Variants in SLC35D4 observed in about 807,000 individuals in gnomAD.
The protein encoded by SLC35D4 is solute carrier family 35 member D4, also known as UDP-N-acetylglucosamine transporter SLC35D4.
At chr18:23,322,374 T>A in the SLC35D4 span, among the ~76,000 whole-genome samples, 1 of 152,222 alleles carries the variant, frequency 6.6e-6, no homozygotes, top group Non-Finnish European at 1.5e-5. Context: ...TTGGTTTATA[T>A]CCCGAGAAAG....
chr18:23,285,653 C>T, the SLC35D4 span, among the ~76,000 whole-genome samples: 73 of 152,240 alleles, frequency 4.8e-4, no homozygotes, highest in African/African-American at 1.6e-3. Context: ...CAACCCCAAA[C>T]GTCGCTGAGT....
At chr18:23,408,698 T>C in the SLC35D4 span, among the ~76,000 whole-genome samples, 413 of 152,302 alleles carry the variant, frequency 2.7e-3, 9 homozygotes, top group East Asian at 0.062. Flanking sequence ...AACCTAGAAC[T>C]GTGACAACAA....
the SLC35D4 span, among the ~76,000 whole-genome samples, chr18:23,242,435 C>T: frequency 1.3e-5 from 2 of 152,148 alleles, no homozygotes; most frequent in African/African-American, 2.4e-5. Flanking sequence ...CAGGGGAGGG[C>T]GGATGCTTCC....
the SLC35D4 span, among the ~76,000 whole-genome samples, chr18:23,316,700 T>C: frequency 6.6e-6 from 1 of 152,210 alleles, no homozygotes; most frequent in Non-Finnish European, 1.5e-5. Flanking sequence ...AGGATAAATT[T>C]TAAACCTAGA....
the SLC35D4 span, among the ~76,000 whole-genome samples, chr18:23,306,352 G>A: frequency 3.9e-5 from 6 of 152,070 alleles, no homozygotes; most frequent in East Asian, 1.2e-3. Context: ...TGTTTCCCAG[G>A]CTGGAGTGCA....
chr18:23,272,010 A>G, the SLC35D4 span, among the ~76,000 whole-genome samples: 95 of 152,208 alleles, frequency 6.2e-4, no homozygotes, highest in Non-Finnish European at 1.1e-3. Flanking sequence ...ATGGGCAAAC[A>G]TAATTAAAGT....
chr18:23,428,034 G>A, the SLC35D4 span, among the ~76,000 whole-genome samples: 1 of 152,138 alleles, frequency 6.6e-6, no homozygotes, highest in Non-Finnish European at 1.5e-5. Context: ...TGGGGGGAGA[G>A]GGGAGGGATA....
At chr18:23,370,186 A>G in the SLC35D4 span, 1 of 1,574,814 alleles carries the variant, frequency 6.3e-7, no homozygotes, top group Non-Finnish European at 8.6e-7. Context: ...GCTAAACTCC[A>G]TCTCAAGGAA....
the SLC35D4 span, chr18:23,257,105 C>T: frequency 1.8e-6 from 2 of 1,109,886 alleles, no homozygotes; most frequent in Non-Finnish European, 2.6e-6. Context: ...CTCCACAGAG[C>T]TTTGCCCAAA....
the SLC35D4 span, among the ~76,000 whole-genome samples, chr18:23,328,626 T>A: frequency 1.3e-5 from 2 of 152,188 alleles, no homozygotes; most frequent in African/African-American, 4.8e-5. Context: ...ATGGCCATAC[T>A]GCCCAAGGTA....
the SLC35D4 span, among the ~76,000 whole-genome samples, chr18:23,410,565 G>A: frequency 1.3e-5 from 2 of 152,082 alleles, no homozygotes; most frequent in African/African-American, 4.8e-5. Flanking sequence ...AGCACTTTGG[G>A]AGGCTGAGAC....
the SLC35D4 span, among the ~76,000 whole-genome samples, chr18:23,355,643 C>T: frequency 1.3e-5 from 2 of 149,780 alleles, no homozygotes; most frequent in Admixed American, 1.3e-4. Context: ...GACATACCCA[C>T]TAGCCACATA....
At chr18:23,404,245 G>T in the SLC35D4 span, among the ~76,000 whole-genome samples, 2 of 152,192 alleles carry the variant, frequency 1.3e-5, no homozygotes. Context: ...CATTGCTATG[G>T]TCTGAATCTG....
At chr18:23,421,471 T>C in the SLC35D4 span, 16 of 1,609,280 alleles carry the variant, frequency 9.9e-6, no homozygotes, top group Non-Finnish European at 1.4e-5. Context: ...GCAATGTGAA[T>C]TTCATAGAGT....
chr18:23,319,730 C>T, the SLC35D4 span, among the ~76,000 whole-genome samples: 16 of 152,210 alleles, frequency 1.1e-4, no homozygotes, highest in African/African-American at 2.7e-4. Flanking sequence ...TGAGCCACCG[C>T]GCCCTGCCTA....
At chr18:23,253,257 C>T in the SLC35D4 span, among the ~76,000 whole-genome samples, 51 of 152,214 alleles carry the variant, frequency 3.4e-4, no homozygotes, top group Admixed American at 7.9e-4. Context: ...CCGAAGTGGG[C>T]GGATCACCTG....
the SLC35D4 span, among the ~76,000 whole-genome samples, chr18:23,420,280 G>A: frequency 6.6e-6 from 1 of 152,076 alleles, no homozygotes; most frequent in African/African-American, 2.4e-5. Context: ...TCCAGCCTGG[G>A]CAACAAGAGC....
chr18:23,256,188 G>A, the SLC35D4 span, among the ~76,000 whole-genome samples: 4 of 152,364 alleles, frequency 2.6e-5, no homozygotes, highest in East Asian at 7.7e-4. Context: ...CAAAAGCTGG[G>A]TTGACGCCAA....
At chr18:23,243,610 T>G in the SLC35D4 span, among the ~76,000 whole-genome samples, 6 of 152,070 alleles carry the variant, frequency 3.9e-5, no homozygotes, top group East Asian at 1.2e-3. Flanking sequence ...CGGTGGCTCA[T>G]GCCTGTAATC....
Sources: allele counts gnomAD v4.1 joint callset (sites outside exome capture counted in the v4.1 genomes callset), GRCh38; gene constraint gnomAD v4.1.1; transcripts MANE v1.5; gene names NCBI Gene and HGNC (gene_info 2026-07-23, HGNC 2026-07-21).